POMGNT1: variants seen among roughly 807,000 people sequenced by gnomAD.
The protein encoded by POMGNT1 is protein O-linked-mannose beta-1,2-N-acetylglucosaminyltransferase 1.
A neutral mutation model predicts 95.6 loss-of-function variants in POMGNT1; 67 were observed. The observed-to-expected ratio is 0.70, with a 90% CI of 0.58 to 0.86. The LOEUF (loss-of-function observed/expected upper bound fraction) is 0.86. Ranked by LOEUF, POMGNT1 falls within the 40% of genes least tolerant of loss-of-function variation. The pLI is 0.00. For missense variants in POMGNT1, 719 were observed against 855.2 expected (o/e 0.84, Z 1.99); for synonymous variants, 298 against 317.9 (o/e 0.94, Z 0.66).
chr1:46,220,036 A>G (rs746922360), exon 1 of POMGNT1: 2 of 1,614,022 alleles, frequency 1.2e-6, no homozygotes, highest in South Asian at 2.2e-5. Flanking sequence ...GCTGGTGGAG[A>G]GAGGGCCAGG....
chr1:46,213,418 C>T lies in POMGNT1; in HGVS notation c.-51+6287G>A, dbSNP rs531225749. ...GTGCATTTACCCTGTCATATTTGCACGGCAGTAAAACCTCCTGCTGGTGTA... is the reference window on the plus strand; with the variant it reads ...GTGCATTTACCCTGTCATATTTGCATGGCAGTAAAACCTCCTGCTGGTGTA... On this transcript the variant is annotated intron_variant, in intron 1 of 22. Coordinates refer to the POMGNT1 transcript ENST00000371992. Among the ~76,000 whole-genome samples, 6 of 148,118 alleles carry T rather than the reference C, an allele frequency of 4.1e-5. No homozygotes were observed. The East Asian group carries it at 1.0e-3, about 25-fold the overall frequency.
intron 17 of POMGNT1, 167 bp downstream of exon 17, chr1:46,191,931 G>A: frequency 8.5e-7 from 1 of 1,173,080 alleles, no homozygotes. Flanking sequence ...ACCGCGCCCA[G>A]CCCTTTATCC....
Position 46,192,320 on chromosome 1 carries a change from A to C in POMGNT1, c.1401T>G (p.Pro467=), listed in dbSNP as rs1191993705. 1.9e-6 allele frequency: 3 copies of C among 1,614,044 alleles called. No homozygotes were observed. The Admixed American group carries it at 5.0e-5, about 27-fold the overall frequency. Residue 467 remains proline, a synonymous_variant, in exon 16 of 22, where the codon CCT becomes CCG. Transcript: ENST00000371984. ...LYKEELEPKW[P]TPEKLWDWDM... is the part of the protein sequence containing the mutation. ...CCCTGACAGTTACCTTTTCCGGTGT[A>C]GGCCACTTGGGCTCAAGCTCCTCCT... is the stretch of plus-strand genomic sequence containing the variant.
At chr1:46,198,955 T>A (rs963517481), upstream of POMGNT1, among the ~76,000 whole-genome samples, 6 of 152,116 alleles carry the variant, frequency 3.9e-5, no homozygotes, top group Admixed American at 1.3e-4. Context: ...GTTTTTTTTT[T>A]AATTGAGACG....
At chr1:46,211,439 GCACACACACACACACA>G (rs57919535) in intron 1 of POMGNT1, among the ~76,000 whole-genome samples, 1 of 78,960 alleles carries the variant, frequency 1.3e-5, no homozygotes, top group African/African-American at 3.5e-5. Context: ...ATGAAAACCT[GCACACACACACACACA>G]CACACACACA....
chr1:46,203,401 C>T (rs755973618), upstream of POMGNT1: 3 of 1,439,272 alleles, frequency 2.1e-6, no homozygotes, highest in Non-Finnish European at 2.7e-6. Context: ...GTCCGGTCGC[C>T]CAGCCCTTTT....
chr1:46,218,068 T>G (rs2148253941), intron 1 of POMGNT1, among the ~76,000 whole-genome samples: 1 of 152,288 alleles, frequency 6.6e-6, no homozygotes, highest in South Asian at 2.1e-4. Context: ...CTTGTGGAAC[T>G]GTTTGCCTCT....
chr1:46,194,675 C>T lies in POMGNT1; in HGVS notation c.653-24G>A, dbSNP rs566880116. ...ACCTGGCAGGAGGCAGGAATGAGGG[C>T]CATGGGGGCCCAGACACCAGTTTGG... On this transcript the variant is annotated intron_variant, in intron 7 of 21. Coordinates refer to ENST00000371984, the MANE Select transcript of POMGNT1 (RefSeq NM_017739.4). 3.7e-6 allele frequency: 6 copies of T among 1,614,240 alleles called. No individual in the cohort carries two copies. The Admixed American group carries it at 6.7e-5, about 18-fold the overall frequency.
chr1:46,201,707 AAAAAAAAG>A (rs1406494285), upstream of POMGNT1, among the ~76,000 whole-genome samples: 1 of 151,680 alleles, frequency 6.6e-6, no homozygotes, highest in African/African-American at 2.4e-5. Flanking sequence ...CAAAAAAAAA[AAAAAAAAG>A]AAAAAAGAAA....
In POMGNT1 at chr1:46,194,400, C is replaced by T; in HGVS notation, c.753G>A (p.Glu251=). 1 of 1,614,220 alleles carries T rather than the reference C, an allele frequency of 6.2e-7. No individual in the cohort carries two copies. The highest frequency in any genetic ancestry group is 1.3e-5 in the African/African-American group (1 of 75,062). The change falls in exon 9 of 22, where the codon GAG becomes GAA. Residue 251 remains glutamate (E), a splice_region_variant and synonymous_variant. Coordinates refer to ENST00000371984, the MANE Select transcript of POMGNT1 (RefSeq NM_017739.4). ...CTGTGTCTGCCCAGTGGCACTCTGC[C>T]TCTGAGGGAAGGATGCGGTTGTCAT... ...KTDVPLSSAE[E]AECHWADTEL...
intron 6 of POMGNT1, chr1:46,195,372 C>T: frequency 2.7e-6 from 1 of 376,194 alleles, no homozygotes; most frequent in East Asian, 6.6e-5. Context: ...TCACCTGGCT[C>T]ACTCCTCAAT....
At chr1:46,219,644 G>C in intron 1 of POMGNT1, 1 of 1,506,646 alleles carries the variant, frequency 6.6e-7, no homozygotes, top group East Asian at 2.3e-5. Flanking sequence ...CTGTGGAAAC[G>C]CTGGGGAAAC....
At chr1:46,203,504 G>T (rs767211043) in intron 1 of POMGNT1, 4 of 1,558,494 alleles carry the variant, frequency 2.6e-6, no homozygotes, top group Non-Finnish European at 8.7e-7. Context: ...CCCCTGAAGG[G>T]CTGCTCCGCG....
At chr1:46,216,305 C>A (rs1338322348) in intron 1 of POMGNT1, among the ~76,000 whole-genome samples, 1 of 151,986 alleles carries the variant, frequency 6.6e-6, no homozygotes, top group African/African-American at 2.4e-5. Flanking sequence ...CTCGGCCTCC[C>A]AAAGTGCTGG....
At chr1:46,190,573 G>A in intron 18 of POMGNT1, 56 bp from the exon 19 acceptor site, 2 of 1,541,770 alleles carry the variant, frequency 1.3e-6, no homozygotes, top group South Asian at 1.1e-5. Context: ...GGTCCCATGG[G>A]TAGCACTGAG....
At position 46,196,074 on chromosome 1, in the gene POMGNT1, G is replaced by C. The variant is rs373016708; in HGVS notation, c.358C>G (p.Leu120Val). The change falls in exon 5 of 22, where the codon CTG (leucine) becomes GTG (valine). Residue 120 changes from leucine to valine, a missense_variant. Leu to Val is a conservative substitution (Grantham distance 32). Coordinates refer to ENST00000371984, the MANE Select transcript of POMGNT1 (RefSeq NM_017739.4). The surrounding 1 kb of genome is among the most constrained non-coding windows in gnomAD (Gnocchi z 4.4). ...VYVAVDGTTV[L>V]EDEAREQGRG... is the part of the protein sequence containing the mutation. Reference sequence around the variant, plus strand: ...CCCTGCTCCCGGGCCTCATCCTCCAGCACCTACACAGTGGCAGAGACAAAG... The same window carrying C: ...CCCTGCTCCCGGGCCTCATCCTCCACCACCTACACAGTGGCAGAGACAAAG... 44 of 1,613,984 alleles carry C rather than the reference G, an allele frequency of 2.7e-5. No individual in the cohort carries two copies. The highest frequency in any genetic ancestry group is 3.6e-5 in the Non-Finnish European group (42 of 1,180,028).
chr1:46,191,113 C>A, intron 17 of POMGNT1: 4 of 364,850 alleles, frequency 1.1e-5, no homozygotes, highest in Non-Finnish European at 2.1e-5. Flanking sequence ...ACAGGCCCTG[C>A]AGGAGGTGGT....
intron 17 of POMGNT1, chr1:46,191,048 C>A: frequency 2.3e-6 from 1 of 440,922 alleles, no homozygotes; most frequent in Non-Finnish European, 4.3e-6. Flanking sequence ...ACTAGCAGTC[C>A]CTGCCTCTTG....
At chr1:46,203,447 C>T (rs1270661872) in intron 1 of POMGNT1, 1 of 1,488,804 alleles carries the variant, frequency 6.7e-7, no homozygotes, top group Non-Finnish European at 8.9e-7. Flanking sequence ...CCGTGGAGTC[C>T]CAGACGCCTG....
Sources: allele counts gnomAD v4.1 joint callset (sites outside exome capture counted in the v4.1 genomes callset), GRCh38; gene constraint gnomAD v4.1.1; non-coding constraint Gnocchi (gnomAD v3.1); transcripts MANE v1.5; gene names NCBI Gene and HGNC (gene_info 2026-07-23, HGNC 2026-07-21).